Variants in PRKD1 observed in about 807,000 individuals in gnomAD.
PRKD1 encodes the protein serine/threonine-protein kinase D1.
PRKD1 carries 63 observed loss-of-function variants against 95.9 expected under a neutral mutation model. That is an observed-to-expected ratio of 0.66 (90% CI 0.54 to 0.81). The LOEUF (loss-of-function observed/expected upper bound fraction) is 0.81. Among genes scored for constraint, PRKD1 ranks in the 30% least tolerant of loss-of-function variants. The pLI is 0.00. For synonymous variants in PRKD1, 425 were observed against 423.1 expected (o/e 1.00, Z -0.05); for missense variants, 1,048 against 1,165.3 (o/e 0.90, Z 1.47).
At position 29,676,177 on chromosome 14, in the gene PRKD1, G is replaced by GTTTTTTTTTTTTTTTTTTTTTTT. The variant is rs147308040; in HGVS notation, c.404-9970_404-9969insAAAAAAAAAAAAAAAAAAAAAAA. 6.0e-4 allele frequency among the ~76,000 whole-genome samples: 63 copies of GTTTTTTTTTTTTTTTTTTTTTTT among 104,710 alleles called. 6 individuals are homozygous for GTTTTTTTTTTTTTTTTTTTTTTT. Among genetic ancestry groups the GTTTTTTTTTTTTTTTTTTTTTTT allele is most frequent in the African/African-American group, 1.5e-3 (36 of 23,870 alleles). 68.7% of individuals were successfully genotyped at this position (104,710 alleles called of 152,430 possible). ...GCTGTAGGCATGCATAGTTCATTACGTTTTTGTTTTTTTTTTTTTTTTTTT... is the reference window on the plus strand; with the variant it reads ...GCTGTAGGCATGCATAGTTCATTACGTTTTTTTTTTTTTTTTTTTTTTTTTTTTGTTTTTTTTTTTTTTTTTTT... On this transcript the variant is annotated intron_variant, in intron 2 of 17. Coordinates refer to ENST00000331968, the MANE Select transcript of PRKD1 (RefSeq NM_002742.3).
chr14:29,588,403 T>A (rs1050302362), intron 16 of PRKD1, among the ~76,000 whole-genome samples: 1 of 152,196 alleles, frequency 6.6e-6, no homozygotes, highest in Non-Finnish European at 1.5e-5. Context: ...AATCTCCAAT[T>A]TCTGGAGAAA....
intron 1 of PRKD1, among the ~76,000 whole-genome samples, chr14:29,748,963 T>G (rs957865187): frequency 6.6e-6 from 1 of 152,146 alleles, no homozygotes; most frequent in Non-Finnish European, 1.5e-5. Context: ...ATTTTGGAGT[T>G]CAAATTTTAT....
intron 1 of PRKD1, among the ~76,000 whole-genome samples, chr14:29,804,645 G>A (rs1291113724): frequency 6.6e-6 from 1 of 151,476 alleles, no homozygotes; most frequent in African/African-American, 2.4e-5. Flanking sequence ...GTAACAAAGT[G>A]AACAGTTAAA....
At position 29,890,988 on chromosome 14, in the gene PRKD1, C is replaced by T. The variant is rs530713244; in HGVS notation, c.264+36261G>A. Among the ~76,000 whole-genome samples, 4 of 152,142 alleles carry T rather than the reference C, an allele frequency of 2.6e-5. No homozygotes were observed. In the East Asian group the frequency reaches 5.8e-4, roughly 22 times the overall value. ...TTATTTGCATTTAACATAAAATATA[C>T]CTGATAATAAAATATCAAGAGAGAA... On this transcript the variant is annotated intron_variant, in intron 1 of 17. Transcript: ENST00000331968.
At chr14:29,908,372 C>T (rs780686137) in intron 1 of PRKD1, among the ~76,000 whole-genome samples, 9 of 152,268 alleles carry the variant, frequency 5.9e-5, no homozygotes, top group Middle Eastern at 3.4e-3. Context: ...TAGCTCAACG[C>T]GACCTCCACC....
At chr14:29,844,720 A>G (rs775419858) in intron 1 of PRKD1, among the ~76,000 whole-genome samples, 11 of 152,292 alleles carry the variant, frequency 7.2e-5, no homozygotes, top group Non-Finnish European at 2.9e-5. Flanking sequence ...AGTTTAATCA[A>G]TACGGAAGTT....
intron 2 of PRKD1, among the ~76,000 whole-genome samples, chr14:29,714,956 T>C (rs1959430): frequency 0.51 from 76,538 of 151,436 alleles, 21,396 homozygotes; most frequent in African/African-American, 0.75. Flanking sequence ...CCGGGGCCCG[T>C]TGGGGGATGG....
intron 16 of PRKD1, among the ~76,000 whole-genome samples, chr14:29,582,401 TC>T (rs533023675): frequency 7.6e-4 from 115 of 151,412 alleles, no homozygotes; most frequent in African/African-American, 2.7e-3. Flanking sequence ...ATCCATTCTT[TC>T]CCCCTTTTAG....
chr14:29,859,965 G>A lies in PRKD1; in HGVS notation c.264+67284C>T, dbSNP rs114509257. Among the ~76,000 whole-genome samples, 231 of 152,244 alleles carry A rather than the reference G, an allele frequency of 1.5e-3. 2 individuals are homozygous for A. The highest frequency in any genetic ancestry group is 5.4e-3 in the African/African-American group (225 of 41,548). ...CTGAATGAGTAAACAGATTTTGAAT[G>A]GAACCAAATACATTAAAGTGTACTT... On this transcript the variant is annotated intron_variant, in intron 1 of 17. Coordinates refer to ENST00000331968, the MANE Select transcript of PRKD1 (RefSeq NM_002742.3).
chr14:29,740,147 C>T (rs997431453), intron 1 of PRKD1, among the ~76,000 whole-genome samples: 2 of 152,080 alleles, frequency 1.3e-5, no homozygotes, highest in Non-Finnish European at 2.9e-5. Context: ...ATTCACACAA[C>T]AGTAATTAGG....
chr14:29,605,265 T>C (rs1893663689), intron 13 of PRKD1, among the ~76,000 whole-genome samples: 1 of 152,180 alleles, frequency 6.6e-6, no homozygotes, highest in African/African-American at 2.4e-5. Context: ...AGCCCACAAA[T>C]GAATCACCAC....
At chr14:29,926,819 T>G (rs914997638) in intron 1 of PRKD1, among the ~76,000 whole-genome samples, 2 of 151,930 alleles carry the variant, frequency 1.3e-5, no homozygotes, top group African/African-American at 4.8e-5. Context: ...ATTCCTTGTC[T>G]CCAGGTCATT....
intron 4 of PRKD1, among the ~76,000 whole-genome samples, chr14:29,639,846 G>T (rs1880645187): frequency 6.6e-6 from 1 of 151,946 alleles, no homozygotes; most frequent in South Asian, 2.1e-4. Flanking sequence ...GTGTACTCTT[G>T]CCCATCATTT....
At chr14:29,705,324 C>T (rs1434936207) in intron 2 of PRKD1, among the ~76,000 whole-genome samples, 2 of 151,660 alleles carry the variant, frequency 1.3e-5, no homozygotes, top group East Asian at 3.9e-4. Context: ...AAAGTAATTG[C>T]GGTTTTTGCC....
Position 29,589,950 on chromosome 14 carries a change from T to C in PRKD1, c.2434+7541A>G, listed in dbSNP as rs188035565. On this transcript the variant is annotated intron_variant, in intron 16 of 17. Transcript: ENST00000331968. ...ACCTCTAAATAATAAATGCAGTATC[T>C]TCTATACTTGTTTCATTGACCCTAA... 3.9e-5 allele frequency among the ~76,000 whole-genome samples: 6 copies of C among 152,352 alleles called. No individual in the cohort carries two copies. In the South Asian group the frequency reaches 1.0e-3, roughly 26 times the overall value.
chr14:29,604,697 A>C (rs1893641064), intron 13 of PRKD1, among the ~76,000 whole-genome samples: 4 of 152,164 alleles, frequency 2.6e-5, no homozygotes, highest in African/African-American at 7.2e-5. Context: ...GGTCTTAGAA[A>C]TCACAATCCT....
intron 2 of PRKD1, among the ~76,000 whole-genome samples, chr14:29,690,025 C>T (rs1267287675): frequency 6.6e-6 from 1 of 152,102 alleles, no homozygotes; most frequent in African/African-American, 2.4e-5. Context: ...GGGCTTTATA[C>T]CTAAGTGACA....
At chr14:29,811,241 G>T (rs949353250) in intron 1 of PRKD1, among the ~76,000 whole-genome samples, 1 of 152,120 alleles carries the variant, frequency 6.6e-6, no homozygotes, top group Non-Finnish European at 1.5e-5. Flanking sequence ...TCAGGCACAG[G>T]GATATCTGCA....
chr14:29,737,000 C>T (rs890856363), intron 1 of PRKD1, among the ~76,000 whole-genome samples: 3 of 152,198 alleles, frequency 2.0e-5, no homozygotes, highest in East Asian at 1.9e-4. Context: ...TGGAACAAAA[C>T]GGAAAGAGAG....
Sources: allele counts gnomAD v4.1 joint callset (sites outside exome capture counted in the v4.1 genomes callset), GRCh38; gene constraint gnomAD v4.1.1; transcripts MANE v1.5; gene names NCBI Gene and HGNC (gene_info 2026-07-23, HGNC 2026-07-21).